Variants in LOXL2 observed in about 807,000 individuals in gnomAD.
The protein encoded by LOXL2 is lysyl oxidase homolog 2.
LOXL2 carries 70 observed loss-of-function variants against 93.0 expected under a neutral mutation model. The observed-to-expected ratio is 0.75, with a 90% CI of 0.62 to 0.92. The LOEUF is 0.92. Ranked by LOEUF, LOXL2 falls within the 40% of genes least tolerant of loss-of-function variation. The pLI, the probability that LOXL2 is intolerant of heterozygous loss-of-function variation, is 0.00. For missense variants in LOXL2, 973 were observed against 1,054.9 expected (o/e 0.92, Z 1.08); for synonymous variants, 438 against 413.2 (o/e 1.06, Z -0.73).
At position 23,348,094 on chromosome 8, in the gene LOXL2, A is replaced by C. The variant is rs539887277; in HGVS notation, c.532-6891T>G. Among the ~76,000 whole-genome samples the C allele has an allele frequency of 4.6e-5, 7 of 152,302 alleles. No homozygotes were observed. The East Asian group carries it at 9.6e-4, about 21-fold the overall frequency. ...TGCAGCCGTAAAAAAGGATGAGTTCATGTCCTTTGCAGGGACATGGATGAA... is the reference window on the plus strand; with the variant it reads ...TGCAGCCGTAAAAAAGGATGAGTTCCTGTCCTTTGCAGGGACATGGATGAA... On this transcript the variant is annotated intron_variant, in intron 3 of 13. Transcript: ENST00000389131.
rs114187584 is a variant in LOXL2, at chr8:23,317,408, A to G, written c.1471-294T>C. Among the ~76,000 whole-genome samples, 1,171 of 152,292 alleles carry G rather than the reference A, an allele frequency of 7.7e-3. 17 individuals carry two copies. Among genetic ancestry groups the G allele is most frequent in the African/African-American group, 0.027 (1,119 of 41,548 alleles). ...TGTGTGTCAGGAATGGCAGGTGCACACAACTCAGGTTGCCCACTCCCCAGT... is the reference window on the plus strand; with the variant it reads ...TGTGTGTCAGGAATGGCAGGTGCACGCAACTCAGGTTGCCCACTCCCCAGT... On this transcript the variant is annotated intron_variant, in intron 8 of 13. Coordinates refer to ENST00000389131, the MANE Select transcript of LOXL2 (RefSeq NM_002318.3).
chr8:23,300,371 C>T lies in LOXL2; in HGVS notation c.2134-1424G>A, dbSNP rs111321056. On this transcript the variant is annotated intron_variant, in intron 12 of 13. Coordinates refer to ENST00000389131, the MANE Select transcript of LOXL2 (RefSeq NM_002318.3). ...GGAAATGATGAGAAAGCGGATAAAG[C>T]GGGGCCACCAGGAGCCAGGAGGCCC... 2.9e-3 allele frequency among the ~76,000 whole-genome samples: 448 copies of T among 152,278 alleles called. 1 individual carries two copies. The highest frequency in any genetic ancestry group is 0.01 in the African/African-American group (426 of 41,556).
chr8:23,390,813 C>G (rs910131825), intron 1 of LOXL2, among the ~76,000 whole-genome samples: 1 of 152,066 alleles, frequency 6.6e-6, no homozygotes, highest in African/African-American at 2.4e-5. Flanking sequence ...GACAAGGATG[C>G]CTTATTAGTC....
intron 1 of LOXL2, among the ~76,000 whole-genome samples, chr8:23,376,010 T>G (rs993997429): frequency 2.6e-5 from 4 of 152,206 alleles, no homozygotes; most frequent in African/African-American, 9.7e-5. Context: ...CATCCCTGTC[T>G]TGTGCCAGTT....
At chr8:23,345,864 T>G (rs1203840108) in intron 3 of LOXL2, among the ~76,000 whole-genome samples, 2 of 151,882 alleles carry the variant, frequency 1.3e-5, no homozygotes, top group Non-Finnish European at 2.9e-5. Context: ...GTCAGGAGAT[T>G]GGGACCATCC....
intron 4 of LOXL2, among the ~76,000 whole-genome samples, chr8:23,338,853 G>A (rs1316079942): frequency 6.6e-6 from 1 of 152,196 alleles, no homozygotes; most frequent in Admixed American, 6.5e-5. Context: ...ACCCCCGGGA[G>A]AAGAGGAGCT....
chr8:23,304,548 T>TC (rs1218137589), intron 10 of LOXL2, among the ~76,000 whole-genome samples: 1 of 151,788 alleles, frequency 6.6e-6, no homozygotes, highest in African/African-American at 2.4e-5. Flanking sequence ...GGGAGCAGAG[T>TC]CCCCTGTTTT....
At chr8:23,315,011 G>A (rs564993661) in intron 9 of LOXL2, among the ~76,000 whole-genome samples, 56 of 152,262 alleles carry the variant, frequency 3.7e-4, no homozygotes, top group African/African-American at 1.2e-3. Context: ...CCCTGGTCAC[G>A]GAAGTGCAGT....
At chr8:23,304,203 G>A (rs1184893228) in intron 10 of LOXL2, among the ~76,000 whole-genome samples, 2 of 152,264 alleles carry the variant, frequency 1.3e-5, no homozygotes, top group African/African-American at 4.8e-5. Flanking sequence ...CAAGCAGGCT[G>A]CAAATCCCTT....
chr8:23,354,962 T>A (rs866440721), intron 3 of LOXL2, among the ~76,000 whole-genome samples: 20,914 of 121,428 alleles, frequency 0.17, 3,193 homozygotes, highest in African/African-American at 0.34. Context: ...TTTTTTTTTT[T>A]TTTTTTTTTT....
Position 23,341,040 on chromosome 8 carries a change from C to A in LOXL2, c.695G>T (p.Gly232Val), listed in dbSNP as rs544929386. Residue 232 changes from glycine to valine, a missense_variant, in exon 4 of 14, where the codon GGC (glycine) becomes GTC (valine). By Grantham distance (109) the Gly-to-Val change is moderately radical (BLOSUM62 -3). Transcript: ENST00000389131. ...CCTCTCCCCAGGGAAGCCAAACATG[C>A]CGCAGACCACGCGGGAATTCTTGGC... ...WTAKNSRVVC[G>V]MFGFPGERTY... is the part of the protein sequence containing the mutation. 2.5e-6 allele frequency: 4 copies of A among 1,614,186 alleles called. No homozygotes were observed. Among genetic ancestry groups the A allele is most frequent in the East Asian group, 2.2e-5 (1 of 44,864 alleles).
intron 2 of LOXL2, among the ~76,000 whole-genome samples, chr8:23,362,680 G>A (rs192444347): frequency 1.2e-3 from 187 of 152,312 alleles, no homozygotes; most frequent in Non-Finnish European, 2.2e-3. Context: ...GCTGCAGTGA[G>A]CTGTGATTGT....
intron 2 of LOXL2, among the ~76,000 whole-genome samples, chr8:23,360,769 T>C (rs1804276426): frequency 6.6e-6 from 1 of 152,222 alleles, no homozygotes; most frequent in Non-Finnish European, 1.5e-5. Context: ...ACGATGATGA[T>C]GATGTTTTAG....
intron 2 of LOXL2, 53 bp from the exon 3 acceptor site, chr8:23,360,318 G>T: frequency 2.2e-6 from 3 of 1,380,026 alleles, no homozygotes; most frequent in African/African-American, 2.9e-5. Flanking sequence ...GCAGGTCTGA[G>T]TCTTTGCGGG....
intron 2 of LOXL2, among the ~76,000 whole-genome samples, chr8:23,362,205 C>T (rs73224491): frequency 0.24 from 36,726 of 152,102 alleles, 4,576 homozygotes; most frequent in Middle Eastern, 0.31. Context: ...AATAAAGACA[C>T]TATGCTAAGT....
intron 1 of LOXL2, among the ~76,000 whole-genome samples, chr8:23,383,473 GA>G (rs1308057337): frequency 6.6e-6 from 1 of 151,890 alleles, no homozygotes. Context: ...AATATTGGCC[GA>G]GTGAATAAAT....
At chr8:23,379,513 G>A (rs10109275) in intron 1 of LOXL2, among the ~76,000 whole-genome samples, 13,531 of 152,194 alleles carry the variant, frequency 0.089, 859 homozygotes, top group African/African-American at 0.18. Context: ...CCTTTTGTTC[G>A]GCCATGCCCT....
intron 1 of LOXL2, among the ~76,000 whole-genome samples, chr8:23,381,888 C>A (rs1274190177): frequency 6.6e-6 from 1 of 152,180 alleles, no homozygotes; most frequent in African/African-American, 2.4e-5. Context: ...CCTGACTGGG[C>A]CCCCAAGCCT....
chr8:23,340,913 A>T, intron 4 of LOXL2, 79 bp downstream of exon 4: 1 of 1,328,376 alleles, frequency 7.5e-7, no homozygotes, highest in Non-Finnish European at 1.1e-6. Context: ...AGGAAAGGCC[A>T]CCACCAGGGC....
Sources: allele counts gnomAD v4.1 joint callset (sites outside exome capture counted in the v4.1 genomes callset), GRCh38; gene constraint gnomAD v4.1.1; transcripts MANE v1.5; gene names NCBI Gene and HGNC (gene_info 2026-07-23, HGNC 2026-07-21).